The following PATL2 variants were observed in gnomAD, a reference collection of about 807,000 sequenced individuals.
PATL2 encodes the protein PAT1 homolog 2, also known as protein PAT1 homolog 2.
Under a neutral mutation model 77.0 loss-of-function variants are expected in PATL2, and 73 were observed. That is an observed-to-expected ratio of 0.95 (90% confidence interval 0.78 to 1.15). The LOEUF (loss-of-function observed/expected upper bound fraction) is 1.15. Ranked by LOEUF, PATL2 falls within the 50% of genes most tolerant of loss-of-function variation. The probability of loss-of-function intolerance (pLI) is 0.00; values close to 1 mark genes in which losing one functional copy is unlikely to be tolerated. For synonymous variants in PATL2, 265 were observed against 257.1 expected, an observed-to-expected ratio of 1.03 and a Z score of -0.29; for missense variants, 618 against 655.4, an observed-to-expected ratio of 0.94 and a Z score of 0.62.
chr15:44,668,774 G>GTTGCT (rs1317743934), intron 14 of PATL2, among the ~76,000 whole-genome samples: 11 of 152,282 alleles, frequency 7.2e-5, no homozygotes, highest in African/African-American at 2.4e-4. Flanking sequence ...CCATACACCT[G>GTTGCT]TTGCTTTTTG....
rs573246228 is a variant in PATL2, at chr15:44,672,476, C to G, written c.447-20G>C. On this transcript the variant is annotated intron_variant, in intron 7 of 17. Transcript: ENST00000682850. ...AGATGACTGGGAAGACAAGAAGTAA[C>G]GAGCTGGGTGGAAGGAAGCTCTCAG... 1.4e-5 allele frequency: 21 copies of G among 1,548,616 alleles called. No homozygotes were observed. The highest frequency in any genetic ancestry group is 9.6e-5 in the African/African-American group (7 of 73,044).
intron 2 of PATL2, among the ~76,000 whole-genome samples, 167 bp from the exon 3 acceptor site, chr15:44,710,381 T>A (rs190084604): frequency 6.6e-6 from 1 of 152,190 alleles, no homozygotes; most frequent in Non-Finnish European, 1.5e-5. Flanking sequence ...ATCTGTGGAC[T>A]CCACCACCAC....
chr15:44,674,274 T>TA lies in PATL2; in HGVS notation c.223-45dup, dbSNP rs755134305. On this transcript the variant is annotated intron_variant, in intron 5 of 17. Coordinates refer to ENST00000682850, the MANE Select transcript of PATL2 (RefSeq NM_001387263.1). ...AAAACCAGGCTCAAATGGGCCCCTG[T>TA]AGTGTCTTCTGCATTCACCTGTGTT... 7.0e-5 allele frequency: 98 copies of TA among 1,393,290 alleles called. 1 individual carries two copies. The Middle Eastern group carries it at 2.5e-3, about 36-fold the overall frequency. The allele number at this position is 1,393,290 out of a possible 1,614,324, so 86.3% of individuals were successfully genotyped here.
rs2085784705 is a variant in PATL2 at position 44,673,333 on chromosome 15, G to A, written c.348C>T (p.Pro116=). 1 of 1,551,678 alleles carries A rather than the reference G, an allele frequency of 6.4e-7. No individual in the cohort carries two copies. The highest frequency in any genetic ancestry group is 8.7e-7 in the Non-Finnish European group (1 of 1,146,960). The part of the protein sequence containing the change: ...LSPIPFWPTF[P]STSSPAQHFG... ...AGTGCTGTGCTGGAGAGCTGGTGCTGGGAAATGTAGGCCAGAAAGGGATGG... is the reference window on the plus strand; with the variant it reads ...AGTGCTGTGCTGGAGAGCTGGTGCTAGGAAATGTAGGCCAGAAAGGGATGG... Residue 116 remains proline (P), a synonymous_variant, in exon 7 of 18, where the codon CCC becomes CCT. Transcript: ENST00000682850.
chr15:44,686,926 C>A (rs1173723080), intron 3 of PATL2, among the ~76,000 whole-genome samples: 5 of 152,038 alleles, frequency 3.3e-5, no homozygotes, highest in South Asian at 2.1e-4. Context: ...GCCTACTAAT[C>A]AAAAAAGTCC....
intron 3 of PATL2, among the ~76,000 whole-genome samples, chr15:44,692,062 A>G (rs1322501919): frequency 6.6e-6 from 1 of 152,244 alleles, no homozygotes; most frequent in Non-Finnish European, 1.5e-5. Flanking sequence ...ATGAAAAAAC[A>G]ATATAGATCT....
At chr15:44,669,902 T>TC (rs1179581760) in intron 10 of PATL2, 28 bp from the exon 11 acceptor site, 1 of 1,550,576 alleles carries the variant, frequency 6.4e-7, no homozygotes, top group South Asian at 1.2e-5. Flanking sequence ...CACATTTCCT[T>TC]CCCCCTCCCA....
intron 15 of PATL2, among the ~76,000 whole-genome samples, chr15:44,667,976 T>G (rs1295545610): frequency 6.6e-6 from 1 of 152,198 alleles, no homozygotes; most frequent in African/African-American, 2.4e-5. Flanking sequence ...TATGTACCTA[T>G]TATTACTAGT....
chr15:44,679,209 C>T (rs1477827432), intron 3 of PATL2, among the ~76,000 whole-genome samples: 2 of 151,966 alleles, frequency 1.3e-5, no homozygotes, highest in South Asian at 2.1e-4. Context: ...AATACAGGTG[C>T]ACACCACCAT....
At chr15:44,671,678 A>C (rs186410591) in intron 9 of PATL2, among the ~76,000 whole-genome samples, 14 of 152,308 alleles carry the variant, frequency 9.2e-5, no homozygotes, top group Admixed American at 2.0e-4. Flanking sequence ...CTAAAAAGTC[A>C]AAGTAGATGA....
At chr15:44,677,152 T>C (rs1039595266) in intron 3 of PATL2, among the ~76,000 whole-genome samples, 9 of 152,242 alleles carry the variant, frequency 5.9e-5, no homozygotes, top group African/African-American at 2.2e-4. Flanking sequence ...AGAGGATCCC[T>C]GTTTTCCACA....
rs1367328109 is a variant in PATL2, at chr15:44,710,890, G to A, written c.-214C>T. The stretch of plus-strand genomic sequence containing the variant: ...AATTACCTAAACAGCAAGGACATAG[G>A]GAGGAACTTCTTGGCACAGAACTTT... On this transcript the variant is annotated 5_prime_UTR_variant, in exon 2 of 18. Transcript: ENST00000682850. 1 of 141,268 alleles carries A rather than the reference G, an allele frequency of 7.1e-6. No individual in the cohort carries two copies. The highest frequency in any genetic ancestry group is 1.5e-5 in the Non-Finnish European group (1 of 67,440). 8.8% of individuals were successfully genotyped at this position (141,268 alleles called of 1,614,324 possible).
intron 7 of PATL2, among the ~76,000 whole-genome samples, chr15:44,672,979 C>G (rs1420644928): frequency 6.6e-6 from 1 of 152,302 alleles, no homozygotes; most frequent in East Asian, 1.9e-4. Flanking sequence ...AGGCTGGTCT[C>G]GAACTCCTGG....
chr15:44,708,048 A>C (rs2086776776), intron 3 of PATL2, among the ~76,000 whole-genome samples: 1 of 151,932 alleles, frequency 6.6e-6, no homozygotes, highest in Admixed American at 6.6e-5. Context: ...AAATCACTGC[A>C]CTCTTCCTCT....
intron 3 of PATL2, among the ~76,000 whole-genome samples, chr15:44,686,012 T>C (rs1206806694): frequency 6.6e-6 from 1 of 152,046 alleles, no homozygotes; most frequent in Non-Finnish European, 1.5e-5. Flanking sequence ...GACAGAAAAT[T>C]AACAAGGATA....
chr15:44,667,425 G>A (rs2085433970), intron 15 of PATL2: 1 of 531,796 alleles, frequency 1.9e-6, no homozygotes, highest in South Asian at 2.2e-5. Context: ...CACTCTTGGA[G>A]AGCTGATTAA....
At chr15:44,696,723 T>TA (rs199588921) in intron 3 of PATL2, among the ~76,000 whole-genome samples, 2,947 of 150,568 alleles carry the variant, frequency 0.02, 95 homozygotes, top group East Asian at 0.092. Context: ...AACTGCCAAT[T>TA]AAAAAAAAAA....
chr15:44,673,095 T>G, intron 7 of PATL2, 140 bp downstream of exon 7: 1 of 1,161,272 alleles, frequency 8.6e-7, no homozygotes, highest in Non-Finnish European at 1.2e-6. Context: ...GGCTAATTTG[T>G]GAGGGAGACG....
chr15:44,703,946 A>G (rs1416140521), intron 3 of PATL2, among the ~76,000 whole-genome samples: 2 of 150,924 alleles, frequency 1.3e-5, no homozygotes, highest in Admixed American at 6.6e-5. Context: ...GTAGTATTTA[A>G]AAATTTCTTG....
Sources: gnomAD v4.1 joint callset for allele counts (sites outside exome capture counted in the v4.1 genomes callset) on GRCh38, gnomAD v4.1.1 for gene constraint, MANE v1.5 for transcripts, NCBI Gene and HGNC (gene_info 2026-07-23, HGNC 2026-07-21) for gene names.